Variants in LMOD1 observed in about 807,000 individuals in gnomAD.
The protein encoded by LMOD1 is leiomodin-1.
LMOD1 carries 8 observed loss-of-function variants against 36.5 expected under a neutral mutation model. The observed-to-expected ratio is 0.22, with a 90% confidence interval of 0.13 to 0.40. The LOEUF is 0.40. Among genes scored for constraint, LMOD1 ranks in the 10% least tolerant of loss-of-function variants. The pLI, the probability that LMOD1 is intolerant of heterozygous loss-of-function variation, is 1.00. For missense variants in LMOD1, 630 were observed against 751.1 expected (o/e 0.84, Z 1.88); for synonymous variants, 284 against 288.7 (o/e 0.98, Z 0.17).
chr1:201,938,505 C>T (rs1682058051), intron 1 of LMOD1, among the ~76,000 whole-genome samples: 1 of 152,154 alleles, frequency 6.6e-6, no homozygotes, highest in African/African-American at 2.4e-5. Flanking sequence ...CAGCCAGCAA[C>T]CAGCAGAGCT....
Position 201,897,177 on chromosome 1 carries a change from C to G in LMOD1, c.*1195G>C. On this transcript the variant is annotated 3_prime_UTR_variant, in exon 3 of 3. Transcript: ENST00000367288. The stretch of plus-strand genomic sequence containing the variant: ...AGGCCCCTCTGAGCCCTAGGGCACA[C>G]AGATATGGGTGCTATTCTCCAAATA... 35 of 220,716 alleles carry G rather than the reference C, an allele frequency of 1.6e-4. No individual in the cohort carries two copies. The highest frequency in any genetic ancestry group is 6.1e-4 in the South Asian group (9 of 14,814). The allele number at this position is 220,716 out of a possible 1,614,324, so 13.7% of individuals were successfully genotyped here. A position where few individuals can be genotyped will look rare whatever the true frequency, so the allele number is the denominator to read the frequency against.
chr1:201,919,411 C>T (rs2102919145), intron 1 of LMOD1, among the ~76,000 whole-genome samples: 1 of 151,674 alleles, frequency 6.6e-6, no homozygotes, highest in East Asian at 2.0e-4. Context: ...ACCATGTTGG[C>T]CAGGCTGGTC....
chr1:201,944,723 G>A (rs1310549705), intron 1 of LMOD1, among the ~76,000 whole-genome samples: 3 of 43,836 alleles, frequency 6.8e-5, no homozygotes, highest in Admixed American at 2.2e-4. Flanking sequence ...TTAAACATAG[G>A]TGGTGGGGCG....
chr1:201,908,922 C>T (rs1681450765), intron 1 of LMOD1, among the ~76,000 whole-genome samples: 4 of 152,180 alleles, frequency 2.6e-5, no homozygotes, highest in Admixed American at 1.3e-4. Context: ...AGACAGCATG[C>T]GACCCAATCC....
chr1:201,919,184 T>C (rs1681657820), intron 1 of LMOD1, among the ~76,000 whole-genome samples: 1 of 151,482 alleles, frequency 6.6e-6, no homozygotes, highest in Non-Finnish European at 1.5e-5. Context: ...CCACCATGCC[T>C]GGCCTCAGTG....
At chr1:201,907,508 T>A (rs187777574) in intron 1 of LMOD1, among the ~76,000 whole-genome samples, 53 of 152,326 alleles carry the variant, frequency 3.5e-4, no homozygotes, top group African/African-American at 1.3e-3. Flanking sequence ...TGAAATTTGT[T>A]CTTACCCAGA....
intron 1 of LMOD1, among the ~76,000 whole-genome samples, chr1:201,940,493 C>T (rs964548553): frequency 3.3e-5 from 5 of 151,958 alleles, no homozygotes; most frequent in Admixed American, 2.0e-4. Context: ...CCTAACCAAG[C>T]TCTTATACCT....
At chr1:201,909,609 G>A (rs540934800) in intron 1 of LMOD1, among the ~76,000 whole-genome samples, 13 of 152,266 alleles carry the variant, frequency 8.5e-5, no homozygotes, top group Admixed American at 7.2e-4. Context: ...GAGAAGTCAA[G>A]TTCCACAACC....
intron 1 of LMOD1, among the ~76,000 whole-genome samples, chr1:201,936,882 G>A (rs964894597): frequency 2.0e-5 from 3 of 152,026 alleles, no homozygotes; most frequent in Non-Finnish European, 4.4e-5. Flanking sequence ...AGAGGTTGCA[G>A]TGAGCCAAGA....
chr1:201,917,367 G>GA lies in LMOD1; in HGVS notation c.262-16617dup, dbSNP rs151004503. ...GGCTTCTGCATTCACTGCAAGTAGA[G>GA]AAAGACAGAGGCGTTTTGAGGTGAG... On this transcript the variant is annotated intron_variant, in intron 1 of 2. Transcript: ENST00000367288. Among the ~76,000 whole-genome samples the GA allele has an allele frequency of 7.2e-3, 1,093 of 152,360 alleles. 15 individuals carry two copies. Among genetic ancestry groups the GA allele is most frequent in the African/African-American group, 0.025 (1,027 of 41,586 alleles).
chr1:201,907,994 G>T (rs901215959), intron 1 of LMOD1, among the ~76,000 whole-genome samples: 4 of 152,110 alleles, frequency 2.6e-5, no homozygotes, highest in Non-Finnish European at 4.4e-5. Flanking sequence ...CCACCATAGA[G>T]CAGGCCTCCC....
chr1:201,938,152 G>A (rs1474118395), intron 1 of LMOD1, among the ~76,000 whole-genome samples: 1 of 140,814 alleles, frequency 7.1e-6, no homozygotes, highest in East Asian at 2.1e-4. Flanking sequence ...TTTTTGAGAT[G>A]GAGTTTCGCT....
intron 1 of LMOD1, among the ~76,000 whole-genome samples, chr1:201,912,933 G>C (rs370536588): frequency 2.0e-5 from 3 of 152,154 alleles, no homozygotes; most frequent in East Asian, 1.9e-4. Context: ...ACACCAGGGT[G>C]TTTGGTTACC....
At chr1:201,934,045 G>C (rs1271462224) in intron 1 of LMOD1, among the ~76,000 whole-genome samples, 1 of 152,052 alleles carries the variant, frequency 6.6e-6, no homozygotes, top group African/African-American at 2.4e-5. Flanking sequence ...CCTTCTCCTT[G>C]GGCATGGGTG....
chr1:201,910,915 T>C (rs980060152), intron 1 of LMOD1, among the ~76,000 whole-genome samples: 1 of 151,958 alleles, frequency 6.6e-6, no homozygotes, highest in African/African-American at 2.4e-5. Flanking sequence ...CCACCTTGCA[T>C]GGCTGGTGTC....
At chr1:201,901,207 T>A (rs1327674055) in intron 1 of LMOD1, among the ~76,000 whole-genome samples, 1 of 152,084 alleles carries the variant, frequency 6.6e-6, no homozygotes, top group South Asian at 2.1e-4. Flanking sequence ...GTTTTATTTT[T>A]AAAAATATAC....
chr1:201,901,690 G>GTGTA (rs1553295763), intron 1 of LMOD1, among the ~76,000 whole-genome samples: 3 of 99,564 alleles, frequency 3.0e-5, no homozygotes, highest in Non-Finnish European at 5.8e-5. Flanking sequence ...ATATATATGT[G>GTGTA]TATATATATA....
rs1558233745 is a variant in LMOD1 at position 201,899,294 on chromosome 1, GTTC to G, written c.1716_1718del (p.Lys572del). ...TGGCAGCCAATAGCTGGTCACGGGA[GTTC>G]TTCTCCTGGGCAGGGAGGACTTTGT... is the stretch of plus-strand genomic sequence containing the variant. On this transcript the variant is annotated inframe_deletion, in exon 2 of 3. Coordinates refer to ENST00000367288, the MANE Select transcript of LMOD1 (RefSeq NM_012134.3). This position sits in a 1 kb window ranked among gnomAD's most constrained non-coding sequence, Gnocchi z 6.3. 2 of 1,608,978 alleles carry G rather than the reference GTTC, an allele frequency of 1.2e-6. No individual in the cohort carries two copies. The highest frequency in any genetic ancestry group is 8.5e-7 in the Non-Finnish European group (1 of 1,177,148).
intron 1 of LMOD1, among the ~76,000 whole-genome samples, chr1:201,932,724 A>G (rs1208794708): frequency 6.6e-6 from 1 of 152,176 alleles, no homozygotes; most frequent in Non-Finnish European, 1.5e-5. Context: ...CCTGGGCGAC[A>G]AAGACCTTGT....
Sources: gnomAD v4.1 joint callset for allele counts (sites outside exome capture counted in the v4.1 genomes callset) on GRCh38, gnomAD v4.1.1 for gene constraint, Gnocchi (gnomAD v3.1) non-coding constraint, MANE v1.5 for transcripts, NCBI Gene and HGNC (gene_info 2026-07-23, HGNC 2026-07-21) for gene names.